The following MATCAP2 variants were observed in gnomAD, a reference collection of about 807,000 sequenced individuals.
MATCAP2 encodes the protein microtubule associated tyrosine carboxypeptidase 2, also known as putative tyrosine carboxypeptidase MATCAP2.
the MATCAP2 span, chr7:36,383,982 A>G: frequency 1.2e-5 from 10 of 837,744 alleles, 1 homozygote; most frequent in South Asian, 2.5e-4. Flanking sequence ...TTAAGTATAA[A>G]TAGTCTAAAA....
At chr7:36,388,455 T>C in the MATCAP2 span, among the ~76,000 whole-genome samples, 2 of 152,220 alleles carry the variant, frequency 1.3e-5, no homozygotes, top group Non-Finnish European at 2.9e-5. Context: ...CTTTTTGTAA[T>C]GTTGATTGAC....
the MATCAP2 span, among the ~76,000 whole-genome samples, chr7:36,352,396 TAAAAAA>T: frequency 2.8e-5 from 3 of 106,202 alleles, no homozygotes; most frequent in African/African-American, 1.1e-4. Flanking sequence ...GACTCCATCT[TAAAAAA>T]AAAAAAAAAA....
At chr7:36,378,286 G>T in the MATCAP2 span, among the ~76,000 whole-genome samples, 1 of 152,290 alleles carries the variant, frequency 6.6e-6, no homozygotes, top group South Asian at 2.1e-4. Flanking sequence ...TGGGGTTTTG[G>T]TGTGGATGTC....
At chr7:36,383,816 A>G in the MATCAP2 span, 1 of 1,300,168 alleles carries the variant, frequency 7.7e-7, no homozygotes, top group Non-Finnish European at 1.1e-6. Flanking sequence ...GTATAATAAT[A>G]ATTTTAAAAA....
the MATCAP2 span, among the ~76,000 whole-genome samples, chr7:36,348,202 C>G: frequency 6.6e-6 from 1 of 152,106 alleles, no homozygotes; most frequent in Admixed American, 6.6e-5. Context: ...GAATGAAAAG[C>G]AAGATACTAA....
chr7:36,338,183 G>A, the MATCAP2 span, among the ~76,000 whole-genome samples: 1 of 152,102 alleles, frequency 6.6e-6, no homozygotes, highest in Non-Finnish European at 1.5e-5. Context: ...GCTCTTTTGT[G>A]GGGGTAAATT....
the MATCAP2 span, among the ~76,000 whole-genome samples, chr7:36,348,796 T>G: frequency 6.6e-6 from 1 of 152,176 alleles, no homozygotes; most frequent in Non-Finnish European, 1.5e-5. Flanking sequence ...ATAGAGGACA[T>G]TCCATGCAAA....
the MATCAP2 span, among the ~76,000 whole-genome samples, chr7:36,327,279 C>T: frequency 3.3e-5 from 5 of 152,116 alleles, no homozygotes; most frequent in African/African-American, 9.7e-5. Flanking sequence ...GCTGGGATTA[C>T]AGGCGCCCGC....
chr7:36,357,490 G>A, the MATCAP2 span: 1 of 1,613,976 alleles, frequency 6.2e-7, no homozygotes, highest in Non-Finnish European at 8.5e-7. Context: ...GCACTCCCGA[G>A]GACAAATGTG....
At chr7:36,362,286 C>T in the MATCAP2 span, among the ~76,000 whole-genome samples, 2 of 152,088 alleles carry the variant, frequency 1.3e-5, no homozygotes, top group Admixed American at 1.3e-4. Flanking sequence ...GAAAATGAGA[C>T]GAAAGGCACT....
the MATCAP2 span, chr7:36,325,240 T>C: frequency 3.3e-5 from 5 of 152,222 alleles, no homozygotes; most frequent in African/African-American, 1.2e-4. Context: ...CTACCCAGCA[T>C]GGCACGTAGT....
chr7:36,333,380 G>GGA, the MATCAP2 span, among the ~76,000 whole-genome samples: 1 of 152,178 alleles, frequency 6.6e-6, no homozygotes, highest in Non-Finnish European at 1.5e-5. Flanking sequence ...AATGGGGAAT[G>GGA]AATGCTAATG....
the MATCAP2 span, among the ~76,000 whole-genome samples, chr7:36,369,897 A>G: frequency 2.6e-5 from 4 of 152,176 alleles, no homozygotes; most frequent in Admixed American, 1.3e-4. Flanking sequence ...TAGTTAGCCT[A>G]CCTGGAATAT....
the MATCAP2 span, among the ~76,000 whole-genome samples, chr7:36,347,539 A>G: frequency 0.08 from 12,230 of 152,210 alleles, 648 homozygotes; most frequent in East Asian, 0.15. Context: ...TTGTCGTTGT[A>G]CCTTTCTCAG....
At chr7:36,335,114 G>A in the MATCAP2 span, 13 of 1,613,658 alleles carry the variant, frequency 8.1e-6, no homozygotes, top group Non-Finnish European at 9.3e-6. Flanking sequence ...AGTCAGAGTC[G>A]GACATCCATT....
the MATCAP2 span, chr7:36,357,011 C>T: frequency 6.2e-7 from 1 of 1,614,138 alleles, no homozygotes; most frequent in Non-Finnish European, 8.5e-7. Flanking sequence ...TTTGAAGAAT[C>T]TCAGTTTTTC....
the MATCAP2 span, among the ~76,000 whole-genome samples, chr7:36,341,170 C>G: frequency 6.6e-6 from 1 of 152,042 alleles, no homozygotes; most frequent in Non-Finnish European, 1.5e-5. Context: ...ATGTTTACAC[C>G]ACTTGAAGAA....
At chr7:36,385,857 T>TA in the MATCAP2 span, among the ~76,000 whole-genome samples, 2 of 149,168 alleles carry the variant, frequency 1.3e-5, no homozygotes, top group Admixed American at 1.3e-4. Context: ...TAAAATAAGA[T>TA]AAAGAAAGAA....
chr7:36,355,715 G>A, the MATCAP2 span: 5 of 152,154 alleles, frequency 3.3e-5, no homozygotes, highest in Admixed American at 1.3e-4. Flanking sequence ...TGCACCACAG[G>A]CGAGAGAACC....
Sources: allele counts gnomAD v4.1 joint callset (sites outside exome capture counted in the v4.1 genomes callset), GRCh38; gene constraint gnomAD v4.1.1; transcripts MANE v1.5; gene names NCBI Gene and HGNC (gene_info 2026-07-23, HGNC 2026-07-21).